ZIM2: variants seen among roughly 807,000 people sequenced by gnomAD.
ZIM2 encodes the protein zinc finger imprinted 2, also known as zinc finger protein 656.
ZIM2 carries 14 observed loss-of-function variants against 38.6 expected under a neutral mutation model. That is an observed-to-expected ratio of 0.36 (90% CI 0.24 to 0.57). ZIM2 has a LOEUF of 0.57. Ranked by LOEUF, ZIM2 falls within the 20% of genes least tolerant of loss-of-function variation. The pLI, the probability that ZIM2 is intolerant of heterozygous loss-of-function variation, is 0.81. For synonymous variants in ZIM2, 247 were observed against 245.8 expected, an observed-to-expected ratio of 1.00 and a Z score of -0.04; for missense variants, 680 against 695.1, an observed-to-expected ratio of 0.98 and a Z score of 0.24.
chr19:56,788,687 G>T (rs1374022606), intron 10 of ZIM2, among the ~76,000 whole-genome samples: 1 of 152,106 alleles, frequency 6.6e-6, no homozygotes, highest in Non-Finnish European at 1.5e-5. Flanking sequence ...GAATTTGCAT[G>T]TTGGCCTGTC....
intron 1 of ZIM2, among the ~76,000 whole-genome samples, chr19:56,838,782 C>G (rs1282214834): frequency 6.6e-6 from 1 of 152,236 alleles, no homozygotes; most frequent in Admixed American, 6.5e-5. Flanking sequence ...CACACACAGC[C>G]CAAGGAGCGC....
chr19:56,820,876 G>T (rs542936343), intron 7 of ZIM2, among the ~76,000 whole-genome samples: 1 of 152,180 alleles, frequency 6.6e-6, no homozygotes, highest in African/African-American at 2.4e-5. Flanking sequence ...GTACTGATAT[G>T]TGAAGGAAAG....
At chr19:56,791,246 T>C (rs997032572) in intron 9 of ZIM2, 2 of 152,230 alleles carry the variant, frequency 1.3e-5, no homozygotes, top group Non-Finnish European at 2.9e-5. Context: ...ATATAAGTTG[T>C]GGAACCATGG....
intron 9 of ZIM2, chr19:56,817,545 G>C (rs1417788923): frequency 6.3e-7 from 1 of 1,597,410 alleles, no homozygotes; most frequent in South Asian, 1.1e-5. Context: ...CCCGCCGGTG[G>C]GTTGATTTTT....
At chr19:56,818,290 C>T (rs1330830362) in intron 8 of ZIM2, among the ~76,000 whole-genome samples, 3 of 152,130 alleles carry the variant, frequency 2.0e-5, no homozygotes, top group Non-Finnish European at 4.4e-5. Flanking sequence ...AACTCAGGAT[C>T]CCATCCTGAA....
At chr19:56,778,423 G>T (rs2046138301) in intron 12 of ZIM2, among the ~76,000 whole-genome samples, 1 of 152,206 alleles carries the variant, frequency 6.6e-6, no homozygotes, top group Admixed American at 6.5e-5. Context: ...GTGTCAATCA[G>T]CACTGTACTG....
chr19:56,840,155 C>T (rs1381065687), intron 1 of ZIM2, among the ~76,000 whole-genome samples: 1 of 152,202 alleles, frequency 6.6e-6, no homozygotes. Context: ...CCGCATTCCG[C>T]CGTGGCAACA....
intron 9 of ZIM2, among the ~76,000 whole-genome samples, chr19:56,805,604 T>C (rs1204146409): frequency 6.6e-6 from 1 of 152,200 alleles, no homozygotes; most frequent in Non-Finnish European, 1.5e-5. Flanking sequence ...TGATGGCATA[T>C]GGATCTCTTG....
intron 10 of ZIM2, among the ~76,000 whole-genome samples, chr19:56,784,235 A>C (rs2046475390): frequency 1.3e-5 from 2 of 152,210 alleles, no homozygotes; most frequent in Admixed American, 1.3e-4. Context: ...TTCTCAAAGG[A>C]GTCTGTGACT....
In ZIM2 at chr19:56,814,659, T is replaced by G. The variant is rs753741262; in HGVS notation, c.490+3087A>C. On this transcript the variant is annotated intron_variant, in intron 9 of 12. Transcript: ENST00000629319. This position sits in a 1 kb window ranked among gnomAD's most constrained non-coding sequence, Gnocchi z 5.8. ...TGAGGGCTAAGCCTGGAATGATAGC[T>G]TCCTCAGCCATCTGGCTCTGCTCCA... 1 of 1,614,152 alleles carries G rather than the reference T, an allele frequency of 6.2e-7. No homozygotes were observed. Among genetic ancestry groups the G allele is most frequent in the Non-Finnish European group, 8.5e-7 (1 of 1,180,018 alleles).
At chr19:56,797,670 CCT>C (rs1231033707) in intron 9 of ZIM2, among the ~76,000 whole-genome samples, 1 of 152,134 alleles carries the variant, frequency 6.6e-6, no homozygotes, top group Non-Finnish European at 1.5e-5. Flanking sequence ...CTTCCTCCTC[CCT>C]GAGGCCCTAA....
At chr19:56,809,892 G>C (rs1468690058) in intron 9 of ZIM2, among the ~76,000 whole-genome samples, 2 of 152,130 alleles carry the variant, frequency 1.3e-5, no homozygotes, top group Non-Finnish European at 2.9e-5. Flanking sequence ...AGTTACAAAT[G>C]TGAAATCAAA....
intron 9 of ZIM2, among the ~76,000 whole-genome samples, chr19:56,795,607 G>A (rs927137554): frequency 6.6e-6 from 1 of 152,212 alleles, no homozygotes; most frequent in Non-Finnish European, 1.5e-5. Flanking sequence ...CAAGTGCCCT[G>A]TGAGACACGA....
intron 3 of ZIM2, among the ~76,000 whole-genome samples, chr19:56,825,157 C>T (rs1310453655): frequency 1.3e-5 from 2 of 152,198 alleles, no homozygotes; most frequent in East Asian, 1.9e-4. Flanking sequence ...TAAAATCAGA[C>T]GTCAGCACGT....
intron 9 of ZIM2, chr19:56,810,303 T>C (rs1233808150): frequency 1.2e-5 from 12 of 982,580 alleles, no homozygotes; most frequent in African/African-American, 1.7e-5. Flanking sequence ...TGGAAATATA[T>C]GTAGTAAAGG....
chr19:56,806,203 G>T (rs1011564456), intron 9 of ZIM2, among the ~76,000 whole-genome samples: 1 of 152,144 alleles, frequency 6.6e-6, no homozygotes, highest in Non-Finnish European at 1.5e-5. Flanking sequence ...CCCAATATTT[G>T]TTTGTTTCAT....
intron 9 of ZIM2, among the ~76,000 whole-genome samples, chr19:56,795,499 T>C (rs1336118539): frequency 2.0e-5 from 3 of 152,164 alleles, no homozygotes; most frequent in African/African-American, 4.8e-5. Context: ...TGGCTGAACG[T>C]CTCCACGCCC....
intron 11 of ZIM2, 127 bp downstream of exon 11, chr19:56,781,826 T>C: frequency 8.5e-7 from 1 of 1,172,176 alleles, no homozygotes; most frequent in Non-Finnish European, 1.2e-6. Context: ...TATTAAAATA[T>C]TGCCTCTGAC....
intron 7 of ZIM2, among the ~76,000 whole-genome samples, chr19:56,820,532 T>A (rs369180964): frequency 1.3e-5 from 2 of 152,314 alleles, no homozygotes; most frequent in East Asian, 3.9e-4. Flanking sequence ...ACCTGGCCCT[T>A]GGTTTGGTTC....
Sources: allele counts gnomAD v4.1 joint callset (sites outside exome capture counted in the v4.1 genomes callset), GRCh38; gene constraint gnomAD v4.1.1; non-coding constraint Gnocchi (gnomAD v3.1); transcripts MANE v1.5; gene names NCBI Gene and HGNC (gene_info 2026-07-23, HGNC 2026-07-21).